Variants in DCLK2 observed in about 807,000 individuals in gnomAD.
The protein encoded by DCLK2 is serine/threonine-protein kinase DCLK2.
Under a neutral mutation model 78.4 loss-of-function variants are expected in DCLK2, and 31 were observed. That is an observed-to-expected ratio of 0.40 (90% CI 0.30 to 0.53). DCLK2 has a LOEUF of 0.53. Ranked by LOEUF, DCLK2 falls within the 20% of genes least tolerant of loss-of-function variation. The pLI is 0.61. For synonymous variants in DCLK2, 407 were observed against 374.9 expected, an observed-to-expected ratio of 1.09 and a Z score of -0.99; for missense variants, 872 against 973.7, an observed-to-expected ratio of 0.90 and a Z score of 1.39.
At chr4:150,255,958 G>C in intron 15 of DCLK2, 62 bp from the exon 16 acceptor site, 1 of 1,578,500 alleles carries the variant, frequency 6.3e-7, no homozygotes, top group Non-Finnish European at 8.6e-7. Context: ...CTCTCTGCTC[G>C]TGGCAGCTGG....
intron 12 of DCLK2, 50 bp downstream of exon 12, chr4:150,240,526 G>A: frequency 6.6e-7 from 1 of 1,520,180 alleles, no homozygotes; most frequent in Middle Eastern, 1.8e-4. Context: ...TTCTCCCTTG[G>A]GTCCAGAAGC....
intron 5 of DCLK2, among the ~76,000 whole-genome samples, chr4:150,218,883 CAT>C (rs1490487924): frequency 1.3e-5 from 2 of 152,148 alleles, no homozygotes; most frequent in African/African-American, 4.8e-5. Context: ...CCAGAAAAAT[CAT>C]GTTCATATTT....
intron 2 of DCLK2, among the ~76,000 whole-genome samples, chr4:150,169,901 G>A (rs777721242): frequency 6.6e-6 from 1 of 152,138 alleles, no homozygotes; most frequent in Non-Finnish European, 1.5e-5. Flanking sequence ...TCCTGAAGTA[G>A]GGACTTAAAA....
intron 15 of DCLK2, chr4:150,254,546 G>T: frequency 5.0e-6 from 2 of 398,426 alleles, no homozygotes; most frequent in East Asian, 7.1e-5. Flanking sequence ...TTGTACCCAG[G>T]AGACATTTTG....
chr4:150,088,944 A>G (rs1336855750), intron 1 of DCLK2, among the ~76,000 whole-genome samples: 1 of 152,198 alleles, frequency 6.6e-6, no homozygotes, highest in East Asian at 1.9e-4. Flanking sequence ...GTTCTCCACA[A>G]TGCTCTACGT....
At chr4:150,173,932 G>A (rs1266379538) in intron 2 of DCLK2, among the ~76,000 whole-genome samples, 1 of 152,168 alleles carries the variant, frequency 6.6e-6, no homozygotes, top group Non-Finnish European at 1.5e-5. Context: ...AAGAGGGAAG[G>A]ATTGCTGAAC....
chr4:150,240,517 T>C (rs200524048), intron 12 of DCLK2, 41 bp downstream of exon 12: 16 of 1,588,580 alleles, frequency 1.0e-5, no homozygotes, highest in Admixed American at 1.7e-5. Flanking sequence ...TTGCAAATGT[T>C]CTCCCTTGGG....
At chr4:150,103,597 A>G (rs1466227021) in intron 2 of DCLK2, among the ~76,000 whole-genome samples, 1 of 142,472 alleles carries the variant, frequency 7.0e-6, no homozygotes, top group Non-Finnish European at 1.6e-5. Flanking sequence ...CCAAAATTAA[A>G]TTTGTTTCTT....
intron 12 of DCLK2, among the ~76,000 whole-genome samples, chr4:150,243,865 CT>C (rs200972178): frequency 0.32 from 43,415 of 135,262 alleles, 6,843 homozygotes; most frequent in African/African-American, 0.39. Context: ...CCATGCCCAG[CT>C]TTTTTTTTTT....
intron 2 of DCLK2, among the ~76,000 whole-genome samples, chr4:150,168,293 G>T (rs1317021944): frequency 6.6e-6 from 1 of 151,360 alleles, no homozygotes; most frequent in Non-Finnish European, 1.5e-5. Context: ...CTTGCAGTGA[G>T]CCGAGATCGT....
chr4:150,233,846 A>G (rs1352170358), intron 10 of DCLK2, among the ~76,000 whole-genome samples: 2 of 152,316 alleles, frequency 1.3e-5, no homozygotes, highest in East Asian at 1.9e-4. Flanking sequence ...ATAACTAGAC[A>G]CAGCTTGCTA....
intron 8 of DCLK2, among the ~76,000 whole-genome samples, chr4:150,227,929 A>C (rs1013535777): frequency 2.0e-5 from 3 of 152,182 alleles, no homozygotes; most frequent in African/African-American, 7.2e-5. Context: ...ACACCTAAAA[A>C]TTACTCTCTT....
chr4:150,183,163 C>G (rs1397455366), intron 2 of DCLK2, among the ~76,000 whole-genome samples: 2 of 152,154 alleles, frequency 1.3e-5, no homozygotes, highest in African/African-American at 2.4e-5. Context: ...TAAGTAGATG[C>G]CAGTTTAAAC....
intron 15 of DCLK2, among the ~76,000 whole-genome samples, chr4:150,252,750 A>T (rs886078819): frequency 3.3e-5 from 5 of 152,190 alleles, no homozygotes; most frequent in Non-Finnish European, 7.3e-5. Flanking sequence ...TGGTGATTGT[A>T]AATGTTGTAT....
intron 2 of DCLK2, among the ~76,000 whole-genome samples, chr4:150,113,298 G>T (rs1731835603): frequency 6.6e-6 from 1 of 152,180 alleles, no homozygotes; most frequent in South Asian, 2.1e-4. Flanking sequence ...CAGTGTTTTA[G>T]AATAGTTTCA....
At chr4:150,151,157 T>C (rs1433273583) in intron 2 of DCLK2, among the ~76,000 whole-genome samples, 1 of 152,234 alleles carries the variant, frequency 6.6e-6, no homozygotes, top group East Asian at 1.9e-4. Flanking sequence ...AAAGGAATTG[T>C]TTGCTAGTCC....
chr4:150,114,427 G>A (rs928713820), intron 2 of DCLK2, among the ~76,000 whole-genome samples: 2 of 152,034 alleles, frequency 1.3e-5, no homozygotes, highest in Non-Finnish European at 2.9e-5. Flanking sequence ...TAGATGTAAG[G>A]TACTGTTCCA....
At chr4:150,093,616 A>G (rs192710491) in intron 1 of DCLK2, among the ~76,000 whole-genome samples, 2 of 152,338 alleles carry the variant, frequency 1.3e-5, no homozygotes, top group East Asian at 3.9e-4. Flanking sequence ...TCTTGGCCAC[A>G]AGCAATCCAC....
intron 7 of DCLK2, among the ~76,000 whole-genome samples, chr4:150,224,099 G>A (rs142236910): frequency 0.011 from 1,644 of 152,108 alleles, 32 homozygotes; most frequent in African/African-American, 0.038. Flanking sequence ...CTTTAAATAT[G>A]AGTTTCTTAA....
Sources: gnomAD v4.1 joint callset for allele counts (sites outside exome capture counted in the v4.1 genomes callset) on GRCh38, gnomAD v4.1.1 for gene constraint, MANE v1.5 for transcripts, NCBI Gene and HGNC (gene_info 2026-07-23, HGNC 2026-07-21) for gene names.